NCOR2: variants seen among roughly 807,000 people sequenced by gnomAD.
NCOR2 encodes the protein CTG repeat protein 26.
NCOR2 carries 81 observed loss-of-function variants against 262.9 expected under a neutral mutation model. That is an observed-to-expected ratio of 0.31 (90% CI 0.26 to 0.37). The LOEUF is 0.37. Ranked by LOEUF, NCOR2 falls within the 10% of genes least tolerant of loss-of-function variation. The probability of loss-of-function intolerance (pLI) is 1.00; values close to 1 mark genes in which losing one functional copy is unlikely to be tolerated. For synonymous variants in NCOR2, 1,659 were observed against 1,559.3 expected (o/e 1.06, Z -1.51); for missense variants, 3,385 against 3,621.4 (o/e 0.93, Z 1.68).
chr12:124,356,511 C>T (rs893377199), intron 23 of NCOR2, 131 bp downstream of exon 25: 11 of 827,008 alleles, frequency 1.3e-5, no homozygotes, highest in Non-Finnish European at 1.8e-5. Flanking sequence ...CTCCACTGAC[C>T]AGGCTGTTCC....
At chr12:124,413,048 A>G (rs1027213881) in intron 13 of NCOR2, among the ~76,000 whole-genome samples, 1 of 152,144 alleles carries the variant, frequency 6.6e-6, no homozygotes, top group East Asian at 1.9e-4. Flanking sequence ...CCCTGGAGTC[A>G]CTTCTCACCC....
At chr12:124,453,363 C>T (rs1025172581) in intron 6 of NCOR2, among the ~76,000 whole-genome samples, 9 of 152,174 alleles carry the variant, frequency 5.9e-5, no homozygotes, top group Admixed American at 1.3e-4. Context: ...GGCCTAGATG[C>T]GTGTGGAGCC....
chr12:124,375,502 ACT>A (rs1025991969), intron 18 of NCOR2, among the ~76,000 whole-genome samples: 11 of 152,040 alleles, frequency 7.2e-5, no homozygotes, highest in Admixed American at 5.2e-4. Context: ...CCCAGGGAAC[ACT>A]CTGCCACCGC....
intron 41 of NCOR2, among the ~76,000 whole-genome samples, chr12:124,334,095 CT>C (rs1294192397): frequency 6.6e-6 from 1 of 152,132 alleles, no homozygotes; most frequent in Non-Finnish European, 1.5e-5. Flanking sequence ...GACTGTGCCC[CT>C]GTGGGCAAGT....
At chr12:124,563,384 A>C (rs1346510074) in intron 1 of NCOR2, among the ~76,000 whole-genome samples, 1 of 152,238 alleles carries the variant, frequency 6.6e-6, no homozygotes, top group Non-Finnish European at 1.5e-5. Context: ...CTCTGCTCCA[A>C]AATAGACATG....
chr12:124,424,789 G>T (rs2043437749), intron 11 of NCOR2, among the ~76,000 whole-genome samples: 1 of 152,184 alleles, frequency 6.6e-6, no homozygotes, highest in Non-Finnish European at 1.5e-5. Flanking sequence ...CGGAGGCAGG[G>T]TCTTCCCCAA....
At chr12:124,498,008 T>C (rs61301158), upstream of NCOR2, among the ~76,000 whole-genome samples, 1 of 152,124 alleles carries the variant, frequency 6.6e-6, no homozygotes, top group African/African-American at 2.4e-5. Context: ...ACCCTGGTCA[T>C]CTCATGCAGC....
intron 1 of NCOR2, among the ~76,000 whole-genome samples, chr12:124,510,186 C>T (rs1010112743): frequency 8.5e-5 from 13 of 152,148 alleles, no homozygotes; most frequent in African/African-American, 3.1e-4. Flanking sequence ...GAGCAGGTGG[C>T]GACCCCAAGC....
intron 9 of NCOR2, 52 bp from the exon 12 acceptor site, chr12:124,429,758 C>G (rs1310773932): frequency 1.3e-6 from 2 of 1,494,492 alleles, no homozygotes; most frequent in Non-Finnish European, 1.8e-6. Flanking sequence ...GTCGGGGACA[C>G]TAGCAGACCC....
intron 1 of NCOR2, among the ~76,000 whole-genome samples, chr12:124,509,879 C>A (rs77991162): frequency 0.023 from 3,501 of 152,308 alleles, 61 homozygotes; most frequent in Middle Eastern, 0.075. Context: ...GGCCGCCCCC[C>A]ACAGTAACCT....
intron 27 of NCOR2, among the ~76,000 whole-genome samples, chr12:124,351,923 G>T (rs1173243215): frequency 1.3e-5 from 2 of 152,186 alleles, no homozygotes; most frequent in Non-Finnish European, 2.9e-5. Context: ...TCTCTGGCTG[G>T]ACTTGCTTGG....
chr12:124,417,858 G>A lies in NCOR2; in HGVS notation c.1482+2099C>T, dbSNP rs566310921. Among the ~76,000 whole-genome samples the A allele has an allele frequency of 9.2e-5, 14 of 152,150 alleles. No individual in the cohort carries two copies. In the South Asian group the frequency reaches 2.1e-3, roughly 23 times the overall value. On this transcript the variant is annotated intron_variant, in intron 13 of 46. Coordinates refer to ENST00000405201, the Ensembl canonical transcript of NCOR2. ...GGTGGATCATCTAGGTCAGGAGTTC[G>A]AGACCAGCCTGGGCAACATAGTGAA...
chr12:124,352,154 G>A (rs1053049548), intron 27 of NCOR2, among the ~76,000 whole-genome samples: 1 of 152,142 alleles, frequency 6.6e-6, no homozygotes, highest in Non-Finnish European at 1.5e-5. Context: ...GACAGCTCGG[G>A]GCAGCCACCT....
intron 2 of NCOR2, among the ~76,000 whole-genome samples, chr12:124,485,555 T>C (rs935113685): frequency 6.6e-6 from 1 of 152,198 alleles, no homozygotes; most frequent in African/African-American, 2.4e-5. Context: ...CCGCCCAGTT[T>C]GTGGCACGTT....
exon 46 of NCOR2, chr12:124,326,336 G>A: frequency 1.3e-6 from 2 of 1,533,380 alleles, no homozygotes; most frequent in Non-Finnish European, 1.7e-6. Context: ...TTCGGCTGCT[G>A]GGTCTGCCAG....
chr12:124,330,807 G>A (rs768700654), intron 44 of NCOR2, 38 bp downstream of exon 46: 31 of 1,556,776 alleles, frequency 2.0e-5, no homozygotes, highest in African/African-American at 6.8e-5. Context: ...GAGCGGAGGG[G>A]ACCAGGGCAG....
intron 20 of NCOR2, among the ~76,000 whole-genome samples, chr12:124,364,525 C>T (rs565581294): frequency 5.3e-5 from 8 of 152,364 alleles, no homozygotes; most frequent in Admixed American, 4.6e-4. Flanking sequence ...GTCGCAGTCC[C>T]TTCCTCTGTC....
At chr12:124,409,078 G>A (rs1384514153) in intron 13 of NCOR2, among the ~76,000 whole-genome samples, 3 of 152,326 alleles carry the variant, frequency 2.0e-5, no homozygotes, top group East Asian at 1.9e-4. Flanking sequence ...AGCACTCTAC[G>A]GCAGAAAGAT....
At chr12:124,502,693 C>G (rs1168383534) in intron 1 of NCOR2, among the ~76,000 whole-genome samples, 1 of 152,098 alleles carries the variant, frequency 6.6e-6, no homozygotes, top group Non-Finnish European at 1.5e-5. Context: ...TGCAAGGGAG[C>G]TAGGAAGGAC....
Sources: gnomAD v4.1 joint callset for allele counts (sites outside exome capture counted in the v4.1 genomes callset) on GRCh38, gnomAD v4.1.1 for gene constraint, MANE v1.5 for transcripts, NCBI Gene and HGNC (gene_info 2026-07-23, HGNC 2026-07-21) for gene names.